PLEKHA7: variants seen among roughly 807,000 people sequenced by gnomAD.
The protein encoded by PLEKHA7 is pleckstrin homology domain-containing family A member 7.
Under a neutral mutation model 170.0 loss-of-function variants are expected in PLEKHA7, and 104 were observed. The observed-to-expected ratio is 0.61, with a 90% CI of 0.52 to 0.72. PLEKHA7 has a LOEUF of 0.72. Ranked by LOEUF, PLEKHA7 falls within the 30% of genes least tolerant of loss-of-function variation. PLEKHA7 has a pLI of 0.00. For missense variants in PLEKHA7, 1,615 were observed against 1,671.7 expected, an observed-to-expected ratio of 0.97 and a Z score of 0.59; for synonymous variants, 648 against 660.8, an observed-to-expected ratio of 0.98 and a Z score of 0.30.
At chr11:16,927,978 T>G (rs963935545) in intron 3 of PLEKHA7, among the ~76,000 whole-genome samples, 1 of 148,768 alleles carries the variant, frequency 6.7e-6, no homozygotes, top group South Asian at 2.2e-4. Flanking sequence ...ATCCCAATTG[T>G]GTGTGGAGGG....
intron 3 of PLEKHA7, among the ~76,000 whole-genome samples, chr11:16,953,699 C>T (rs1294519959): frequency 6.6e-6 from 1 of 152,064 alleles, no homozygotes; most frequent in East Asian, 1.9e-4. Context: ...TTAAGGGCAC[C>T]ACTTTCACTG....
At chr11:16,871,337 G>A (rs1489611019) in intron 3 of PLEKHA7, among the ~76,000 whole-genome samples, 155 bp from the exon 4 acceptor site, 1 of 152,064 alleles carries the variant, frequency 6.6e-6, no homozygotes, top group Non-Finnish European at 1.5e-5. Flanking sequence ...TAGTCTGTCA[G>A]AACCCCGCCA....
intron 3 of PLEKHA7, among the ~76,000 whole-genome samples, chr11:16,949,036 C>G (rs1283759247): frequency 6.6e-6 from 1 of 152,194 alleles, no homozygotes; most frequent in Non-Finnish European, 1.5e-5. Context: ...ACCCAGACCC[C>G]TTGTCACTCC....
chr11:16,801,520 G>C, intron 16 of PLEKHA7, 148 bp downstream of exon 16: 1 of 986,148 alleles, frequency 1.0e-6, no homozygotes. Flanking sequence ...GTTATCTACT[G>C]TCAGGTGGCA....
intron 3 of PLEKHA7, among the ~76,000 whole-genome samples, chr11:17,001,989 T>A (rs1201723850): frequency 2.0e-5 from 3 of 152,200 alleles, no homozygotes; most frequent in Non-Finnish European, 4.4e-5. Flanking sequence ...TAAGCAGGCT[T>A]AAGAAGCTCA....
chr11:16,973,867 A>T (rs538285727), intron 3 of PLEKHA7, among the ~76,000 whole-genome samples: 1 of 152,142 alleles, frequency 6.6e-6, no homozygotes, highest in South Asian at 2.1e-4. Context: ...CTCCTGCCAC[A>T]TCACCCACTT....
chr11:16,973,713 T>C (rs1862867378), intron 3 of PLEKHA7, among the ~76,000 whole-genome samples: 1 of 152,180 alleles, frequency 6.6e-6, no homozygotes, highest in South Asian at 2.1e-4. Flanking sequence ...CCCTATGCCT[T>C]GAGCCCACCC....
intron 13 of PLEKHA7, chr11:16,812,290 C>T (rs1244234047): frequency 6.6e-6 from 1 of 152,220 alleles, no homozygotes; most frequent in African/African-American, 2.4e-5. Flanking sequence ...TTCTATGAGG[C>T]TGGATGAAGA....
chr11:16,933,828 A>G (rs1860105239), intron 3 of PLEKHA7, among the ~76,000 whole-genome samples: 3 of 152,178 alleles, frequency 2.0e-5, no homozygotes, highest in Admixed American at 2.0e-4. Context: ...TCCCAGCTAG[A>G]GACCTTCAGT....
chr11:16,801,206 G>GGA (rs1172136314), intron 16 of PLEKHA7, 131 bp from the exon 17 acceptor site: 12 of 770,172 alleles, frequency 1.6e-5, no homozygotes, highest in Non-Finnish European at 2.7e-5. Context: ...AGGCCTGGTG[G>GGA]GAGAGAGAGA....
At chr11:16,969,895 A>G (rs776373527) in intron 3 of PLEKHA7, among the ~76,000 whole-genome samples, 35 of 152,242 alleles carry the variant, frequency 2.3e-4, no homozygotes, top group Non-Finnish European at 4.4e-4. Flanking sequence ...GTCACTTTCA[A>G]CCTGAAGAGC....
At chr11:16,812,837 CT>C (rs1412928942) in intron 13 of PLEKHA7, among the ~76,000 whole-genome samples, 3 of 152,182 alleles carry the variant, frequency 2.0e-5, no homozygotes. Flanking sequence ...TTGGAGGGAC[CT>C]TTTTGTTCTG....
intron 3 of PLEKHA7, among the ~76,000 whole-genome samples, chr11:16,985,206 T>C (rs1863653332): frequency 6.6e-6 from 1 of 152,226 alleles, no homozygotes; most frequent in African/African-American, 2.4e-5. Context: ...AGGTGCCCAC[T>C]ACACGTTTAT....
At chr11:16,876,791 A>G (rs754129340) in intron 3 of PLEKHA7, among the ~76,000 whole-genome samples, 3 of 152,136 alleles carry the variant, frequency 2.0e-5, no homozygotes, top group Non-Finnish European at 2.9e-5. Context: ...TTAATTTTCT[A>G]TTCGTATGTA....
intron 3 of PLEKHA7, among the ~76,000 whole-genome samples, chr11:16,887,535 A>C (rs1332913337): frequency 2.6e-5 from 4 of 152,190 alleles, no homozygotes; most frequent in Admixed American, 6.5e-5. Context: ...CTGGGATTGC[A>C]GGCGCGCACC....
chr11:16,849,879 C>T (rs1852777089), intron 8 of PLEKHA7, among the ~76,000 whole-genome samples: 2 of 152,188 alleles, frequency 1.3e-5, no homozygotes, highest in South Asian at 2.1e-4. Flanking sequence ...AGTAGCGTCA[C>T]TCGAGGGAAA....
Position 16,801,663 on chromosome 11 carries a change from C to T in PLEKHA7, c.2307+5G>A, listed in dbSNP as rs775948000. 15 of 1,614,078 alleles carry T rather than the reference C, an allele frequency of 9.3e-6. No homozygotes were observed. Among genetic ancestry groups the T allele is most frequent in the Non-Finnish European group, 1.2e-5 (14 of 1,179,974 alleles). ...AGGGAGACAGGTCTGCCACCCTCTACGCACAGTGGACTCTCTGGAGAGCTC... is the reference window on the plus strand; with the variant it reads ...AGGGAGACAGGTCTGCCACCCTCTATGCACAGTGGACTCTCTGGAGAGCTC... On this transcript the variant is annotated splice_donor_5th_base_variant and intron_variant, in intron 16 of 26. Coordinates refer to ENST00000531066, the MANE Select transcript of PLEKHA7 (RefSeq NM_001329630.2).
At chr11:16,991,742 G>A (rs965204788) in intron 3 of PLEKHA7, among the ~76,000 whole-genome samples, 1 of 152,164 alleles carries the variant, frequency 6.6e-6, no homozygotes, top group Non-Finnish European at 1.5e-5. Context: ...TGTGAGATAG[G>A]AGCCCACAGA....
intron 3 of PLEKHA7, among the ~76,000 whole-genome samples, chr11:16,882,441 G>T (rs1855779337): frequency 6.6e-6 from 1 of 152,160 alleles, no homozygotes; most frequent in African/African-American, 2.4e-5. Flanking sequence ...GCAATTTTAT[G>T]TATTTTTAAA....
Sources: gnomAD v4.1 joint callset for allele counts (sites outside exome capture counted in the v4.1 genomes callset) on GRCh38, gnomAD v4.1.1 for gene constraint, MANE v1.5 for transcripts, NCBI Gene and HGNC (gene_info 2026-07-23, HGNC 2026-07-21) for gene names.